Variants in CFAP65 observed in about 807,000 individuals in gnomAD.
CFAP65 encodes the protein cilia and flagella associated protein 65.
A neutral mutation model predicts 208.0 loss-of-function variants in CFAP65; 155 were observed. That is an observed-to-expected ratio of 0.75 (90% CI 0.65 to 0.85). The LOEUF (loss-of-function observed/expected upper bound fraction) is 0.85, where lower values mean the gene tolerates loss of function less well. Among genes scored for constraint, CFAP65 ranks in the 40% least tolerant of loss-of-function variants. The pLI, the probability that CFAP65 is intolerant of heterozygous loss-of-function variation, is 0.00. For synonymous variants in CFAP65, 970 were observed against 986.3 expected (o/e 0.98, Z 0.31); for missense variants, 2,294 against 2,451.3 (o/e 0.94, Z 1.36).
chr2:219,014,333 G>T, intron 21 of CFAP65: 1 of 263,828 alleles, frequency 3.8e-6, no homozygotes, highest in Non-Finnish European at 7.1e-6. Flanking sequence ...TGAATATGGG[G>T]GCCACTTTGA....
At position 219,013,522 on chromosome 2, in the gene CFAP65, G is replaced by T. The variant is rs1946628622; in HGVS notation, c.3843C>A (p.Ile1281=). ...VLFKVSHGRE[I]LLNFIGVTVK... ...GGCCAGTGTGCTGGGGCCTCACCAGGATCTCCCGGCCATGGGACACCTTGA... is the reference window on the plus strand; with the variant it reads ...GGCCAGTGTGCTGGGGCCTCACCAGTATCTCCCGGCCATGGGACACCTTGA... Residue 1281 remains isoleucine, a synonymous_variant, in exon 23 of 35, where the codon ATC becomes ATA. Coordinates refer to ENST00000341552, the MANE Select transcript of CFAP65 (RefSeq NM_194302.4). 8 of 1,597,790 alleles carry T rather than the reference G, an allele frequency of 5.0e-6. No individual in the cohort carries two copies. Among genetic ancestry groups the T allele is most frequent in the African/African-American group, 1.3e-5 (1 of 74,980 alleles).
rs1946610239 is a variant in CFAP65 at position 219,013,294 on chromosome 2, G to A, written c.3922C>T (p.Pro1308Ser). 1 of 1,613,970 alleles carries A rather than the reference G, an allele frequency of 6.2e-7. No individual in the cohort carries two copies. Reference sequence around the variant, plus strand: ...GGTAGCGTGTCACCAATGGGAATGGGGATGAACTGGTGGGTAGTAGAGGTG... The same window carrying A: ...GGTAGCGTGTCACCAATGGGAATGGAGATGAACTGGTGGGTAGTAGAGGTG... ...HFTSTTHQFI[P>S]IPIGDTLPPR... The change falls in exon 24 of 35, where the codon CCC becomes TCC. Residue 1308 changes from proline to serine, a missense_variant. This residue lies in a region of CFAP65 where 1,427 missense variants were observed against 1,438.7 expected (regional missense o/e 0.99). Coordinates refer to ENST00000341552, the MANE Select transcript of CFAP65 (RefSeq NM_194302.4).
intron 3 of CFAP65, 107 bp downstream of exon 3, chr2:219,038,789 T>C: frequency 7.6e-7 from 1 of 1,318,564 alleles, no homozygotes; most frequent in Non-Finnish European, 1.0e-6. Context: ...GGGAAGGCAC[T>C]CCAAAGAGGG....
intron 5 of CFAP65, chr2:219,033,764 G>C (rs957711656): frequency 4.6e-5 from 7 of 151,946 alleles, no homozygotes; most frequent in Non-Finnish European, 7.4e-5. Context: ...AACCACTTCT[G>C]TTCAACACTT....
At chr2:219,030,921 C>T (rs1947976881) in intron 8 of CFAP65, 87 bp from the exon 9 acceptor site, 9 of 1,519,298 alleles carry the variant, frequency 5.9e-6, no homozygotes, top group Non-Finnish European at 7.1e-6. Flanking sequence ...GGCAGGTGGC[C>T]CCAGGGAAAA....
In CFAP65 at chr2:219,028,402, C is replaced by T. The variant is rs1239268083; in HGVS notation, c.1651-1G>A. ...CCATCAGGTCCAGGAACAGTGGGTC[C>T]TGTGACATTTGTCTGTGTGTGGTGG... On this transcript the variant is annotated splice_acceptor_variant, in intron 11 of 34. Transcript: ENST00000341552. LOFTEE classifies it high-confidence loss of function. The T allele has an allele frequency of 6.2e-7, 1 of 1,608,136 alleles. No homozygotes were observed. The highest frequency in any genetic ancestry group is 8.5e-7 in the Non-Finnish European group (1 of 1,178,432).
chr2:219,013,865 C>T lies in CFAP65; in HGVS notation c.3779+3G>A, dbSNP rs750023476. ...TGCAGGGGGTTTGGGGGGTGGGGAA[C>T]ACCTGTATTTTAACTCCACCATCTG... On this transcript the variant is annotated splice_donor_region_variant and intron_variant, in intron 22 of 34. Coordinates refer to ENST00000341552, the MANE Select transcript of CFAP65 (RefSeq NM_194302.4). 3 of 1,583,906 alleles carry T rather than the reference C, an allele frequency of 1.9e-6. No individual in the cohort carries two copies. In the Admixed American group the frequency reaches 5.3e-5, roughly 28 times the overall value.
rs1345948348 is a variant in CFAP65 at position 219,010,682 on chromosome 2, A to G, written c.4172T>C (p.Leu1391Pro). The G allele has an allele frequency of 1.9e-6, 3 of 1,609,936 alleles. No individual in the cohort carries two copies. In the African/African-American group the frequency reaches 4.0e-5, roughly 22 times the overall value. The change falls in exon 26 of 35, where the codon CTG (leucine) becomes CCG (proline). Residue 1391 changes from leucine (L) to proline (P), a missense_variant. Transcript: ENST00000341552. ...TYTVDVPIHI[L>P]GWNSALIHFQ... is the part of the protein sequence containing the mutation. ...GTGGATGAGGGCCGAGTTCCATCCCAGGATGTGTATGGGCACGTCCACCTG... is the reference window on the plus strand; with the variant it reads ...GTGGATGAGGGCCGAGTTCCATCCCGGGATGTGTATGGGCACGTCCACCTG...
At position 219,026,156 on chromosome 2, in the gene CFAP65, G is replaced by C; in HGVS notation, c.2215C>G (p.Leu739Val). The stretch of plus-strand genomic sequence containing the variant: ...TCCTCAATATTACTGTAGCTCTGCA[G>C]GACCTGCAGAGGGGCCAGACCCACG... ...ELEAFAIYKV[L>V]QSYSNIEEDC... Residue 739 changes from leucine to valine, a missense_variant, in exon 14 of 35, where the codon CTG (leucine) becomes GTG (valine). Transcript: ENST00000341552. The C allele has an allele frequency of 1.2e-6, 2 of 1,610,542 alleles. No homozygotes were observed. The highest frequency in any genetic ancestry group is 8.5e-7 in the Non-Finnish European group (1 of 1,177,310).
In CFAP65 at chr2:219,021,238, G is replaced by A. The variant is rs1330299454; in HGVS notation, c.3173C>T (p.Ser1058Phe). ...DRTEGSMPPR[S>F]QDTICLTACP... ...GGCAGTCAGGCAGATGGTGTCCTGG[G>A]ACCGGGGTGGCATGCTCCCCTCTGT... Residue 1058 changes from serine (S) to phenylalanine (F), a missense_variant, in exon 19 of 35, where the codon TCC becomes TTC. By Grantham distance (155) the Ser-to-Phe change is radical. Around this residue, in one of 2 missense-constraint regions of CFAP65, gnomAD observed 1,427 missense variants for 1,438.7 expected, o/e 0.99. Transcript: ENST00000341552. 6.2e-7 allele frequency: 1 copy of A among 1,607,888 alleles called. No individual in the cohort carries two copies.
chr2:219,035,314 T>C, intron 5 of CFAP65, 166 bp downstream of exon 5: 1 of 1,533,378 alleles, frequency 6.5e-7, no homozygotes, highest in Non-Finnish European at 8.8e-7. Context: ...TGAAAAATAA[T>C]GGATTATAGC....
In CFAP65 at chr2:219,021,040, C is replaced by G. The variant is rs777731206; in HGVS notation, c.3259+112G>C. On this transcript the variant is annotated intron_variant, in intron 19 of 34. Coordinates refer to ENST00000341552, the MANE Select transcript of CFAP65 (RefSeq NM_194302.4). ...ACCAAAGGCACACCTCAGCACACCCCACTCACCCTGCCAGCTCTGCCTGAC... is the reference window on the plus strand; with the variant it reads ...ACCAAAGGCACACCTCAGCACACCCGACTCACCCTGCCAGCTCTGCCTGAC... The G allele has an allele frequency of 5.5e-4, 690 of 1,257,494 alleles. 4 individuals carry two copies. The highest frequency in any genetic ancestry group is 1.2e-3 in the Middle Eastern group (6 of 5,056). The allele number at this position is 1,257,494 out of a possible 1,614,324, so 77.9% of individuals were successfully genotyped here.
intron 13 of CFAP65, chr2:219,027,144 C>T (rs1248196181): frequency 1.1e-5 from 12 of 1,137,404 alleles, no homozygotes; most frequent in Non-Finnish European, 1.3e-5. Flanking sequence ...GGGGGCACCA[C>T]GCATCTGGGG....
At chr2:219,028,037 G>A (rs1466058577) in intron 12 of CFAP65, 28 bp from the exon 13 acceptor site, 1 of 1,520,660 alleles carries the variant, frequency 6.6e-7, no homozygotes, top group East Asian at 2.3e-5. Flanking sequence ...GGTGGATAGG[G>A]CTCAACTGCC....
chr2:219,027,512 C>T (rs909113617), intron 13 of CFAP65, 138 bp downstream of exon 13: 6 of 1,604,618 alleles, frequency 3.7e-6, no homozygotes, highest in Admixed American at 1.7e-5. Context: ...TCATAGGGGT[C>T]ACTGTCCAGC....
intron 4 of CFAP65, among the ~76,000 whole-genome samples, chr2:219,036,536 C>T (rs371209020): frequency 1.1e-4 from 17 of 152,124 alleles, no homozygotes; most frequent in Middle Eastern, 3.4e-3. Flanking sequence ...CCTCTGCCTC[C>T]CAGGTTCAAG....
chr2:219,005,346 G>A, intron 32 of CFAP65, 88 bp downstream of exon 32: 2 of 1,536,954 alleles, frequency 1.3e-6, no homozygotes, highest in Non-Finnish European at 1.8e-6. Flanking sequence ...TCTCAAGAAA[G>A]GAAGAGTGCT....
intron 24 of CFAP65, among the ~76,000 whole-genome samples, chr2:219,011,748 A>C (rs1206112331): frequency 6.6e-6 from 1 of 152,224 alleles, no homozygotes; most frequent in South Asian, 2.1e-4. Flanking sequence ...AATAGAGTCC[A>C]TCTGGATTCA....
chr2:219,026,049 G>A lies in CFAP65; in HGVS notation c.2322C>T (p.Ile774=). Residue 774 remains isoleucine (I), a synonymous_variant, in exon 14 of 35, where the codon ATC becomes ATT. Transcript: ENST00000341552. ...TGGGGACATCTAGGGAATACTGGGG[G>A]ATGTGGTGCTCAAAGCCAGCGAAAT... ...HSYFAGFEHH[I]PQYSLDVPKL... The A allele has an allele frequency of 6.2e-7, 1 of 1,614,164 alleles. No homozygotes were observed. Among genetic ancestry groups the A allele is most frequent in the Non-Finnish European group, 8.5e-7 (1 of 1,180,026 alleles).
Sources: allele counts gnomAD v4.1 joint callset (sites outside exome capture counted in the v4.1 genomes callset), GRCh38; gene constraint gnomAD v4.1.1; regional missense constraint gnomAD v4.1.1; transcripts MANE v1.5; gene names NCBI Gene and HGNC (gene_info 2026-07-23, HGNC 2026-07-21).